MEIS1: variants seen among roughly 807,000 people sequenced by gnomAD.
MEIS1 encodes the protein Meis homeobox 1, also known as homeobox protein Meis1.
MEIS1 carries 5 observed loss-of-function variants against 50.8 expected under a neutral mutation model. The ratio of observed to expected loss-of-function variants is 0.10; its 90% CI spans 0.05 to 0.21. The LOEUF (loss-of-function observed/expected upper bound fraction) is 0.21, where lower values mean the gene tolerates loss of function less well. MEIS1 is among the 10% of genes least tolerant of loss of function. MEIS1 has a pLI of 1.00. For missense variants in MEIS1, 318 were observed against 517.3 expected, an observed-to-expected ratio of 0.61 and a Z score of 3.74; for synonymous variants, 176 against 179.3, an observed-to-expected ratio of 0.98 and a Z score of 0.15.
intron 6 of MEIS1, chr2:66,445,055 T>A (rs1672095088): frequency 6.6e-6 from 1 of 152,194 alleles, no homozygotes; most frequent in Admixed American, 6.5e-5. Context: ...TCCCTAAACT[T>A]TTGTTACCCA....
intron 8 of MEIS1, among the ~76,000 whole-genome samples, chr2:66,532,271 A>G (rs570522935): frequency 2.5e-4 from 38 of 152,324 alleles, no homozygotes; most frequent in African/African-American, 9.1e-4. Flanking sequence ...AAAGAGGTCT[A>G]TGCAATTATT....
intron 8 of MEIS1, among the ~76,000 whole-genome samples, chr2:66,528,965 A>G (rs1674324488): frequency 6.6e-6 from 1 of 152,156 alleles, no homozygotes; most frequent in Non-Finnish European, 1.5e-5. Context: ...GCTCCCCATC[A>G]GTGCTGCACA....
chr2:66,510,837 AT>A (rs1388604380), intron 7 of MEIS1, among the ~76,000 whole-genome samples: 1 of 152,146 alleles, frequency 6.6e-6, no homozygotes, highest in Non-Finnish European at 1.5e-5. Flanking sequence ...CTAGAGAATT[AT>A]TTTTTTATGT....
chr2:66,532,555 C>T (rs1674419942), intron 8 of MEIS1, among the ~76,000 whole-genome samples: 2 of 151,936 alleles, frequency 1.3e-5, no homozygotes, highest in African/African-American at 2.4e-5. Flanking sequence ...CCCCTGAGAG[C>T]ATCCATTATC....
intron 7 of MEIS1, among the ~76,000 whole-genome samples, chr2:66,502,733 A>C (rs1673586922): frequency 1.3e-5 from 2 of 152,198 alleles, no homozygotes; most frequent in Non-Finnish European, 2.9e-5. Flanking sequence ...GATACTATGC[A>C]GTGGAAAAAA....
chr2:66,535,903 G>A (rs565518329), intron 8 of MEIS1, among the ~76,000 whole-genome samples: 7 of 152,126 alleles, frequency 4.6e-5, no homozygotes, highest in African/African-American at 1.7e-4. Flanking sequence ...TGAAGTGCAT[G>A]GTGCACAGAA....
chr2:66,455,381 G>T (rs566490153), intron 6 of MEIS1, among the ~76,000 whole-genome samples: 1 of 152,196 alleles, frequency 6.6e-6, no homozygotes, highest in Non-Finnish European at 1.5e-5. Context: ...ACCATGGGAT[G>T]ATGTTAGCAT....
At chr2:66,474,614 G>C (rs993012918) in intron 7 of MEIS1, among the ~76,000 whole-genome samples, 2 of 152,142 alleles carry the variant, frequency 1.3e-5, no homozygotes, top group African/African-American at 4.8e-5. Context: ...GTATTGATTA[G>C]TCCCAGAAAT....
intron 8 of MEIS1, among the ~76,000 whole-genome samples, chr2:66,528,189 G>C (rs1674303749): frequency 6.6e-6 from 1 of 152,176 alleles, no homozygotes; most frequent in African/African-American, 2.4e-5. Context: ...TAGATCCAGA[G>C]AGTGCCAAGA....
In MEIS1 at chr2:66,437,816, G is replaced by C; in HGVS notation, c.92G>C (p.Arg31Thr). The C allele has an allele frequency of 6.2e-7, 1 of 1,613,962 alleles. No individual in the cohort carries two copies. Among genetic ancestry groups the C allele is most frequent in the Non-Finnish European group, 8.5e-7 (1 of 1,179,898 alleles). The change falls in exon 2 of 13, where the codon AGG (arginine) becomes ACG (threonine). Residue 31 changes from arginine (R) to threonine (T), a missense_variant. Transcript: ENST00000272369. Reference protein sequence around the residue: ...STMYGDPHAARSMQPVHHLNH... With the variant: ...STMYGDPHAATSMQPVHHLNH... ...ATGTATGGGGACCCGCATGCAGCCAGGTCCATGCAGCCGGTCCACCACCTG... is the reference window on the plus strand; with the variant it reads ...ATGTATGGGGACCCGCATGCAGCCACGTCCATGCAGCCGGTCCACCACCTG...
intron 9 of MEIS1, among the ~76,000 whole-genome samples, chr2:66,567,007 G>A (rs2103972704): frequency 6.6e-6 from 1 of 152,150 alleles, no homozygotes; most frequent in East Asian, 1.9e-4. Context: ...CAAGAGGTAG[G>A]GGTGGTTTTG....
intron 9 of MEIS1, among the ~76,000 whole-genome samples, chr2:66,564,761 T>G (rs1675299449): frequency 6.6e-6 from 1 of 151,832 alleles, no homozygotes; most frequent in Non-Finnish European, 1.5e-5. Flanking sequence ...CTAGGGTACA[T>G]GTGCACAACG....
Position 66,439,719 on chromosome 2 carries a change from T to A in MEIS1, c.240-124T>A, listed in dbSNP as rs910410980. The A allele has an allele frequency of 1.9e-6, 3 of 1,563,832 alleles. No homozygotes were observed. The South Asian group carries it at 3.5e-5, about 18-fold the overall frequency. ...GGGAGGGGGAGGAAAAGGAAAAAAGTAGATGACACAATCGGAGAGGGGGTC... is the reference window on the plus strand; with the variant it reads ...GGGAGGGGGAGGAAAAGGAAAAAAGAAGATGACACAATCGGAGAGGGGGTC... On this transcript the variant is annotated intron_variant, in intron 2 of 12. Coordinates refer to ENST00000272369, the MANE Select transcript of MEIS1 (RefSeq NM_002398.3).
At chr2:66,532,024 T>C (rs553731163) in intron 8 of MEIS1, among the ~76,000 whole-genome samples, 14 of 152,272 alleles carry the variant, frequency 9.2e-5, no homozygotes, top group African/African-American at 3.4e-4. Flanking sequence ...ATTTCTTTCT[T>C]TTTTTTCTGA....
At chr2:66,512,419 A>G (rs1673852679) in intron 8 of MEIS1, 125 bp downstream of exon 8, 4 of 1,136,820 alleles carry the variant, frequency 3.5e-6, no homozygotes, top group Non-Finnish European at 4.8e-6. Context: ...GTGTTCCCAC[A>G]GTTTTTGCAA....
chr2:66,448,208 A>G (rs1402818646), intron 6 of MEIS1, among the ~76,000 whole-genome samples: 3 of 152,182 alleles, frequency 2.0e-5, no homozygotes, highest in African/African-American at 7.2e-5. Flanking sequence ...TCATGCTAGA[A>G]TTGTCCAACT....
chr2:66,465,604 G>A (rs534678920), intron 7 of MEIS1, among the ~76,000 whole-genome samples: 4 of 152,146 alleles, frequency 2.6e-5, no homozygotes, highest in Non-Finnish European at 4.4e-5. Context: ...TCTTTTTCCT[G>A]TAGCCCAAAA....
intron 6 of MEIS1, among the ~76,000 whole-genome samples, chr2:66,447,305 G>A (rs1672175629): frequency 6.6e-6 from 1 of 152,162 alleles, no homozygotes; most frequent in South Asian, 2.1e-4. Context: ...AATTATAAAT[G>A]CTTCGTAGGT....
At chr2:66,476,941 G>C (rs1672907674) in intron 7 of MEIS1, among the ~76,000 whole-genome samples, 2 of 152,274 alleles carry the variant, frequency 1.3e-5, no homozygotes, top group Admixed American at 1.3e-4. Flanking sequence ...GAAGGAGAGA[G>C]AGCATGCCAC....
Sources: gnomAD v4.1 joint callset for allele counts (sites outside exome capture counted in the v4.1 genomes callset) on GRCh38, gnomAD v4.1.1 for gene constraint, MANE v1.5 for transcripts, NCBI Gene and HGNC (gene_info 2026-07-23, HGNC 2026-07-21) for gene names.